Variants in PRKCH observed in about 807,000 individuals in gnomAD.
PRKCH encodes protein kinase C eta type.
Under a neutral mutation model 82.5 loss-of-function variants are expected in PRKCH, and 28 were observed. The ratio of observed to expected loss-of-function variants is 0.34; its 90% CI spans 0.25 to 0.47. PRKCH has a LOEUF of 0.47. PRKCH is among the 20% of genes least tolerant of loss of function. The pLI, the probability that PRKCH is intolerant of heterozygous loss-of-function variation, is 1.00. For synonymous variants in PRKCH, 322 were observed against 327.4 expected (o/e 0.98, Z 0.18); for missense variants, 705 against 881.8 (o/e 0.80, Z 2.54).
intron 1 of PRKCH, among the ~76,000 whole-genome samples, chr14:61,355,097 T>C (rs1372230898): frequency 6.6e-6 from 1 of 152,212 alleles, no homozygotes; most frequent in Non-Finnish European, 1.5e-5. Flanking sequence ...AATAAACCTT[T>C]TCCTAGCTAT....
chr14:61,495,163 G>T (rs10140585), intron 10 of PRKCH, among the ~76,000 whole-genome samples: 1 of 152,306 alleles, frequency 6.6e-6, no homozygotes, highest in Non-Finnish European at 1.5e-5. Flanking sequence ...CATCCTGAGG[G>T]TGTAATCCCA....
Position 61,280,793 on chromosome 14 carries a change from G to A in PRKCH, c.-19+93125G>A. On this transcript the variant is annotated intron_variant, in intron 1 of 3. Transcript: ENST00000555185. The surrounding 1 kb of genome is among the most constrained non-coding windows in gnomAD (Gnocchi z 5.0). ...GACACGCCGTAGCGCCGGTTGTTCTGGTAGAAGTTGGTCAGCTCGTAGTAG... is the reference window on the plus strand; with the variant it reads ...GACACGCCGTAGCGCCGGTTGTTCTAGTAGAAGTTGGTCAGCTCGTAGTAG... 6.4e-7 allele frequency: 1 copy of A among 1,557,894 alleles called. No individual in the cohort carries two copies. The highest frequency in any genetic ancestry group is 8.6e-7 in the Non-Finnish European group (1 of 1,160,846).
At chr14:61,192,185 A>G (rs538088382) in intron 1 of PRKCH, among the ~76,000 whole-genome samples, 3 of 152,190 alleles carry the variant, frequency 2.0e-5, no homozygotes, top group Non-Finnish European at 2.9e-5. Context: ...TTTTAAAAAG[A>G]TTATTTCTAT....
intron 1 of PRKCH, among the ~76,000 whole-genome samples, chr14:61,237,612 T>G (rs2140063830): frequency 6.6e-6 from 1 of 152,312 alleles, no homozygotes; most frequent in East Asian, 1.9e-4. Context: ...TTTCTATGGA[T>G]TCAGGGCTTT....
Position 61,284,119 on chromosome 14 carries a change from A to G in PRKCH, c.-19+96451A>G, listed in dbSNP as rs188114565. Among the ~76,000 whole-genome samples the G allele has an allele frequency of 1.2e-4, 19 of 152,336 alleles. No individual in the cohort carries two copies. The East Asian group carries it at 3.5e-3, about 28-fold the overall frequency. On this transcript the variant is annotated intron_variant, in intron 1 of 3. Coordinates refer to the PRKCH transcript ENST00000555185. The stretch of plus-strand genomic sequence containing the variant: ...CCAGCCAGAGCCACTGGTTTCAGAG[A>G]ACAGGTGCAGAGTTATCTCACCTCT...
chr14:61,340,381 G>T (rs2045916583), intron 1 of PRKCH, among the ~76,000 whole-genome samples: 1 of 145,076 alleles, frequency 6.9e-6, no homozygotes. Context: ...GAGGGGGCGG[G>T]GTGGGGGGCG....
chr14:61,370,472 C>G (rs894612452), intron 1 of PRKCH, among the ~76,000 whole-genome samples: 1 of 151,934 alleles, frequency 6.6e-6, no homozygotes, highest in Non-Finnish European at 1.5e-5. Context: ...TTCTGACCCA[C>G]GAGAGGTGGG....
intron 1 of PRKCH, among the ~76,000 whole-genome samples, chr14:61,258,399 A>T (rs1021975361): frequency 6.6e-6 from 1 of 152,218 alleles, no homozygotes; most frequent in African/African-American, 2.4e-5. Flanking sequence ...CACAAGATTA[A>T]GACATTTTCA....
intron 2 of PRKCH, among the ~76,000 whole-genome samples, chr14:61,399,938 CTTAT>C (rs1277027279): frequency 1.3e-5 from 2 of 152,110 alleles, no homozygotes; most frequent in Non-Finnish European, 2.9e-5. Context: ...TGAATTGTTC[CTTAT>C]TTGAGACATT....
chr14:61,471,275 A>G (rs1002536123), intron 9 of PRKCH, among the ~76,000 whole-genome samples: 1 of 152,188 alleles, frequency 6.6e-6, no homozygotes, highest in African/African-American at 2.4e-5. Flanking sequence ...AGGAGTGGCC[A>G]GGGTTCTGGC....
chr14:61,402,748 A>G (rs111467455), intron 2 of PRKCH, among the ~76,000 whole-genome samples: 3,571 of 152,102 alleles, frequency 0.023, 130 homozygotes, highest in African/African-American at 0.082. Context: ...GCAGTGAGCC[A>G]ATATTGTGCC....
intron 1 of PRKCH, among the ~76,000 whole-genome samples, chr14:61,203,239 C>T (rs1000119604): frequency 3.3e-5 from 5 of 152,092 alleles, no homozygotes; most frequent in African/African-American, 1.2e-4. Flanking sequence ...AGGATGAGAT[C>T]CACATTCCCA....
rs367733371 is a variant in PRKCH at position 61,280,116 on chromosome 14, G to A, written c.-19+92448G>A. ...ATCACTCCTCGTCGTCGTCGTCCTGGTCCTGGTAGCGAATGTAGACGACCA... is the reference window on the plus strand; with the variant it reads ...ATCACTCCTCGTCGTCGTCGTCCTGATCCTGGTAGCGAATGTAGACGACCA... On this transcript the variant is annotated intron_variant, in intron 1 of 3. Transcript: ENST00000555185. This position sits in a 1 kb window ranked among gnomAD's most constrained non-coding sequence, Gnocchi z 5.0. 5.0e-6 allele frequency: 8 copies of A among 1,613,360 alleles called. No homozygotes were observed. The highest frequency in any genetic ancestry group is 3.3e-5 in the Admixed American group (2 of 59,938).
chr14:61,259,222 C>G (rs1012552660), intron 1 of PRKCH, among the ~76,000 whole-genome samples: 1 of 152,076 alleles, frequency 6.6e-6, no homozygotes, highest in Non-Finnish European at 1.5e-5. Context: ...AAAAATGAAA[C>G]AATGTGATGG....
At chr14:61,207,020 C>T (rs1485395579) in intron 1 of PRKCH, among the ~76,000 whole-genome samples, 5 of 143,438 alleles carry the variant, frequency 3.5e-5, no homozygotes, top group Admixed American at 3.0e-4. Flanking sequence ...GCAGGAGAAT[C>T]GCTTGAACCC....
At chr14:61,335,345 T>A (rs984613795) in intron 1 of PRKCH, among the ~76,000 whole-genome samples, 4 of 152,222 alleles carry the variant, frequency 2.6e-5, no homozygotes, top group African/African-American at 9.7e-5. Context: ...TTATTCCGTA[T>A]TTTTCAGTTT....
chr14:61,429,370 C>CAGAT (rs1883278354), intron 2 of PRKCH, among the ~76,000 whole-genome samples: 1 of 152,220 alleles, frequency 6.6e-6, no homozygotes, highest in South Asian at 2.1e-4. Flanking sequence ...TTCTCAAAGA[C>CAGAT]AGATGGTGAA....
chr14:61,466,698 C>T (rs2140306502), intron 9 of PRKCH, among the ~76,000 whole-genome samples: 1 of 152,266 alleles, frequency 6.6e-6, no homozygotes, highest in Non-Finnish European at 1.5e-5. Context: ...GAGCGAAGTA[C>T]TCCTCATTGT....
In PRKCH at chr14:61,442,176, A is replaced by G. The variant is rs546664066; in HGVS notation, c.428-935A>G. On this transcript the variant is annotated intron_variant, in intron 2 of 13. Coordinates refer to ENST00000332981, the MANE Select transcript of PRKCH (RefSeq NM_006255.5). ...AATAAGCTATATTTTATTAATCACAAGTCTCTGCATACACTAGAAAAATTC... is the reference window on the plus strand; with the variant it reads ...AATAAGCTATATTTTATTAATCACAGGTCTCTGCATACACTAGAAAAATTC... Among the ~76,000 whole-genome samples the G allele has an allele frequency of 3.4e-4, 52 of 152,364 alleles. 1 individual carries two copies. Among genetic ancestry groups the G allele is most frequent in the African/African-American group, 1.2e-3 (50 of 41,584 alleles).
Sources: allele counts gnomAD v4.1 joint callset (sites outside exome capture counted in the v4.1 genomes callset), GRCh38; gene constraint gnomAD v4.1.1; non-coding constraint Gnocchi (gnomAD v3.1); transcripts MANE v1.5; gene names NCBI Gene and HGNC (gene_info 2026-07-23, HGNC 2026-07-21).